QTMAN: variants seen among roughly 807,000 people sequenced by gnomAD.
QTMAN encodes the protein queuosine-tRNA mannosyltransferase, also known as tRNA-queuosine alpha-mannosyltransferase.
chr2:144,096,299 T>C, the QTMAN span, among the ~76,000 whole-genome samples: 19 of 152,354 alleles, frequency 1.2e-4, no homozygotes, highest in Non-Finnish European at 2.5e-4. Flanking sequence ...TCTACAATCA[T>C]ATCTAGATCA....
chr2:144,165,110 G>A, the QTMAN span, among the ~76,000 whole-genome samples: 4 of 152,014 alleles, frequency 2.6e-5, no homozygotes, highest in South Asian at 2.1e-4. Context: ...GGTGGCTCAC[G>A]ACTGTAATCC....
At chr2:144,193,388 C>T in the QTMAN span, among the ~76,000 whole-genome samples, 1 of 148,796 alleles carries the variant, frequency 6.7e-6, no homozygotes, top group East Asian at 1.9e-4. Context: ...TCCATTACTA[C>T]ACCTATTATA....
At chr2:144,050,146 C>T in the QTMAN span, among the ~76,000 whole-genome samples, 53 of 152,128 alleles carry the variant, frequency 3.5e-4, no homozygotes, top group African/African-American at 1.3e-3. Context: ...CTTCCATTGT[C>T]GTATTTTTGT....
At chr2:143,980,897 C>G in the QTMAN span, among the ~76,000 whole-genome samples, 1 of 152,194 alleles carries the variant, frequency 6.6e-6, no homozygotes, top group African/African-American at 2.4e-5. Flanking sequence ...CTGCCCTATC[C>G]AACTTGAAGT....
the QTMAN span, among the ~76,000 whole-genome samples, chr2:144,250,965 TAA>T: frequency 6.6e-6 from 1 of 152,106 alleles, no homozygotes; most frequent in East Asian, 1.9e-4. Flanking sequence ...AACTGTCATT[TAA>T]GTTTTAAAAA....
the QTMAN span, among the ~76,000 whole-genome samples, chr2:144,161,177 A>G: frequency 6.6e-6 from 1 of 152,146 alleles, no homozygotes; most frequent in Non-Finnish European, 1.5e-5. Context: ...ACTAGCTGGG[A>G]TCCTTCATTA....
chr2:144,153,427 A>C, the QTMAN span, among the ~76,000 whole-genome samples: 1 of 152,180 alleles, frequency 6.6e-6, no homozygotes, highest in African/African-American at 2.4e-5. Flanking sequence ...CAGTTCCTTT[A>C]GGCTGGGCAC....
the QTMAN span, among the ~76,000 whole-genome samples, chr2:143,949,687 C>T: frequency 6.6e-5 from 10 of 151,690 alleles, no homozygotes; most frequent in African/African-American, 7.3e-5. Context: ...AGATCCTCTC[C>T]GACTGCATAA....
chr2:143,994,822 G>A, the QTMAN span, among the ~76,000 whole-genome samples: 10 of 152,284 alleles, frequency 6.6e-5, no homozygotes. Context: ...GGATAGTTGT[G>A]CAACTCTGTA....
At chr2:144,162,324 A>C in the QTMAN span, among the ~76,000 whole-genome samples, 1 of 152,202 alleles carries the variant, frequency 6.6e-6, no homozygotes, top group East Asian at 1.9e-4. Flanking sequence ...CCAATCAAAA[A>C]ACCTAGGTCA....
At chr2:144,208,952 T>A in the QTMAN span, 2 of 497,400 alleles carry the variant, frequency 4.0e-6, no homozygotes, top group South Asian at 3.7e-5. Flanking sequence ...ATTATTTAAA[T>A]AAGTATATAA....
At chr2:144,265,127 T>C in the QTMAN span, among the ~76,000 whole-genome samples, 1 of 152,160 alleles carries the variant, frequency 6.6e-6, no homozygotes, top group African/African-American at 2.4e-5. Flanking sequence ...TAGATATCCA[T>C]GTATCAGTTT....
chr2:144,267,789 A>T, the QTMAN span, among the ~76,000 whole-genome samples: 4 of 152,208 alleles, frequency 2.6e-5, no homozygotes, highest in Non-Finnish European at 5.9e-5. Context: ...GAGGTGAGTT[A>T]GCCCTAATAG....
the QTMAN span, among the ~76,000 whole-genome samples, chr2:144,253,373 G>A: frequency 8.5e-4 from 130 of 152,276 alleles, no homozygotes; most frequent in African/African-American, 3.0e-3. Flanking sequence ...AGCAGAAAAT[G>A]TGGAAACGAC....
At chr2:144,307,383 G>A in the QTMAN span, among the ~76,000 whole-genome samples, 1 of 152,068 alleles carries the variant, frequency 6.6e-6, no homozygotes. Flanking sequence ...AAGTCTGAAT[G>A]CTTCCTCCCT....
chr2:144,064,191 C>G, the QTMAN span, among the ~76,000 whole-genome samples: 1 of 152,060 alleles, frequency 6.6e-6, no homozygotes, highest in Non-Finnish European at 1.5e-5. Flanking sequence ...AAAATAAAAA[C>G]AGACACATTT....
the QTMAN span, chr2:143,947,016 G>C: frequency 7.0e-7 from 1 of 1,424,012 alleles, no homozygotes; most frequent in African/African-American, 1.4e-5. Context: ...TTCAGATTCT[G>C]CCTTAGGCTG....
At chr2:144,028,611 C>T in the QTMAN span, among the ~76,000 whole-genome samples, 11 of 152,038 alleles carry the variant, frequency 7.2e-5, no homozygotes, top group Admixed American at 5.2e-4. Context: ...ACGCTTCCAC[C>T]GATGAGCAGA....
At chr2:144,110,557 A>G in the QTMAN span, among the ~76,000 whole-genome samples, 1 of 151,970 alleles carries the variant, frequency 6.6e-6, no homozygotes, top group Non-Finnish European at 1.5e-5. Context: ...TAAAAAATAA[A>G]TAAATAAATA....
Sources: allele counts gnomAD v4.1 joint callset (sites outside exome capture counted in the v4.1 genomes callset), GRCh38; gene constraint gnomAD v4.1.1; transcripts MANE v1.5; gene names NCBI Gene and HGNC (gene_info 2026-07-23, HGNC 2026-07-21).